Variants in OTOA observed in about 807,000 individuals in gnomAD.
The protein encoded by OTOA is otoancorin.
A neutral mutation model predicts 110.8 loss-of-function variants in OTOA; 70 were observed. The observed-to-expected ratio is 0.63, with a 90% confidence interval of 0.52 to 0.77. The LOEUF is 0.77. Ranked by LOEUF, OTOA falls within the 30% of genes least tolerant of loss-of-function variation. The pLI is 0.00. For missense variants in OTOA, 917 were observed against 1,075.8 expected, an observed-to-expected ratio of 0.85 and a Z score of 2.06; for synonymous variants, 373 against 431.5, an observed-to-expected ratio of 0.86 and a Z score of 1.68.
intron 21 of OTOA, among the ~76,000 whole-genome samples, chr16:21,731,412 C>T (rs1409145163): frequency 6.6e-6 from 1 of 152,220 alleles, no homozygotes; most frequent in Non-Finnish European, 1.5e-5. Context: ...GCAAAATAAG[C>T]ATGAATTAGT....
chr16:21,718,584 C>T (rs942018388), intron 15 of OTOA, among the ~76,000 whole-genome samples: 5 of 152,160 alleles, frequency 3.3e-5, no homozygotes, highest in East Asian at 1.9e-4. Context: ...TACTTGATTG[C>T]GTCTGCAAGT....
rs754607351 is a variant in OTOA, at chr16:21,678,576, C to G, written c.62C>G (p.Ser21Trp). 1 of 1,613,770 alleles carries G rather than the reference C, an allele frequency of 6.2e-7. No individual in the cohort carries two copies. Among genetic ancestry groups the G allele is most frequent in the African/African-American group, 1.3e-5 (1 of 74,830 alleles). The change falls in exon 2 of 29, where the codon TCG becomes TGG. Residue 21 changes from serine to tryptophan, a missense_variant. Ser to Trp is a radical substitution (Grantham distance 177, BLOSUM62 -3). Around this residue, in one of 6 missense-constraint regions of OTOA, gnomAD observed 840 missense variants for 910.2 expected, o/e 0.92. Coordinates refer to ENST00000646100, the MANE Select transcript of OTOA (RefSeq NM_144672.4). ...TTCCTTTTTCTGAGCCATGGAGTGT[C>G]GAGTTATACAGTGCCAAATTCCAGG... is the stretch of plus-strand genomic sequence containing the variant. ...FLFLFLSHGV[S>W]SYTVPNSRQD...
At chr16:21,674,390 A>C (rs1966853318) in intron 1 of OTOA, among the ~76,000 whole-genome samples, 1 of 151,884 alleles carries the variant, frequency 6.6e-6, no homozygotes, top group Non-Finnish European at 1.5e-5. Context: ...GGCTCACTGC[A>C]ACCTCTGCCT....
intron 12 of OTOA, among the ~76,000 whole-genome samples, chr16:21,709,664 A>G (rs1323951560): frequency 6.6e-6 from 1 of 152,128 alleles, no homozygotes; most frequent in Non-Finnish European, 1.5e-5. Context: ...TACAAAGGGA[A>G]TTTTTGGCAC....
chr16:21,735,370 C>T (rs575001502), intron 21 of OTOA, among the ~76,000 whole-genome samples: 12 of 151,748 alleles, frequency 7.9e-5, no homozygotes, highest in East Asian at 3.9e-4. Flanking sequence ...CTCGAGAGAA[C>T]GCACGCACTA....
chr16:21,669,792 G>T (rs373805296), intron 1 of OTOA, among the ~76,000 whole-genome samples: 5 of 152,158 alleles, frequency 3.3e-5, no homozygotes, highest in Admixed American at 2.0e-4. Flanking sequence ...CCACTCCAGG[G>T]TATTCTCAAC....
At position 21,726,576 on chromosome 16, in the gene OTOA, G is replaced by GC. The variant is rs1435990534; in HGVS notation, c.1936dup (p.Leu646ProfsTer33). ...TCCCAGTGTGTGCCCTTTCTGATCA[G>GC]CCTGGGGAAGAGCTGGTTGGACTCC... is the stretch of plus-strand genomic sequence containing the variant. On this transcript the variant is annotated frameshift_variant, in exon 19 of 29. Coordinates refer to ENST00000646100, the MANE Select transcript of OTOA (RefSeq NM_144672.4). LOFTEE classifies it high-confidence loss of function. 1 of 1,614,074 alleles carries GC rather than the reference G, an allele frequency of 6.2e-7. No individual in the cohort carries two copies.
chr16:21,715,970 C>T lies in OTOA; in HGVS notation c.1488+818C>T, dbSNP rs183409455. 2.8e-3 allele frequency among the ~76,000 whole-genome samples: 424 copies of T among 152,220 alleles called. 3 individuals carry two copies. The highest frequency in any genetic ancestry group is 9.7e-3 in the African/African-American group (401 of 41,542). On this transcript the variant is annotated intron_variant, in intron 14 of 28. Transcript: ENST00000646100. ...TATTACCCCAGCCAGCATGCAGTGG[C>T]GTGATCTTGGTTCACTGCAGCCTCC...
chr16:21,697,830 G>C lies in OTOA; in HGVS notation c.795G>C (p.Met265Ile). 1 of 1,614,032 alleles carries C rather than the reference G, an allele frequency of 6.2e-7. No individual in the cohort carries two copies. The highest frequency in any genetic ancestry group is 1.6e-4 in the Middle Eastern group (1 of 6,062). Residue 265 changes from methionine (M) to isoleucine (I), a missense_variant, in exon 10 of 29, where the codon ATG (methionine) becomes ATC (isoleucine). Met to Ile is a conservative substitution (Grantham distance 10). Coordinates refer to ENST00000646100, the MANE Select transcript of OTOA (RefSeq NM_144672.4). ...AEHLWVLGRY[M>I]VHLSFEEITK... is the part of the protein sequence containing the mutation. The stretch of plus-strand genomic sequence containing the variant: ...ACTTATGGGTTTTGGGCAGATACAT[G>C]GTTCACCTATCGTTTGAAGAAATTA...
intron 6 of OTOA, chr16:21,684,576 G>C (rs368987029): frequency 1.3e-6 from 2 of 1,530,964 alleles, no homozygotes; most frequent in Non-Finnish European, 1.8e-6. Flanking sequence ...TGGGGGAATC[G>C]GGCTGGCTGG....
chr16:21,677,468 TA>T (rs1299952999), intron 1 of OTOA, among the ~76,000 whole-genome samples: 1 of 151,470 alleles, frequency 6.6e-6, no homozygotes, highest in Non-Finnish European at 1.5e-5. Flanking sequence ...TTATGAAGTT[TA>T]GCTTCATATC....
chr16:21,695,196 T>C (rs1227637913), intron 9 of OTOA, among the ~76,000 whole-genome samples: 1 of 150,660 alleles, frequency 6.6e-6, no homozygotes, highest in African/African-American at 2.4e-5. Context: ...GGCCAGGAGT[T>C]CAAGGCCAGC....
In OTOA at chr16:21,709,903, C is replaced by T; in HGVS notation, c.1120C>T (p.Leu374=). 5.0e-6 allele frequency: 8 copies of T among 1,613,858 alleles called. No individual in the cohort carries two copies. The highest frequency in any genetic ancestry group is 6.8e-6 in the Non-Finnish European group (8 of 1,179,766). The change falls in exon 13 of 29, where the codon CTG becomes TTG. Residue 374 remains leucine, a synonymous_variant. Coordinates refer to ENST00000646100, the MANE Select transcript of OTOA (RefSeq NM_144672.4). ...CTCCTTCCAGCTCAAAGCAGAACTC[C>T]TGGACATTGCCATGGAGAACCAGAC... ...AGVQKLKAEL[L]DIAMENQTLN...
At chr16:21,682,116 A>C (rs755418871) in intron 6 of OTOA, among the ~76,000 whole-genome samples, 6 of 152,200 alleles carry the variant, frequency 3.9e-5, no homozygotes, top group Non-Finnish European at 7.3e-5. Context: ...TTTCTCGTAC[A>C]ATAGTCCAGA....
At chr16:21,675,151 TTC>T (rs1202603333) in intron 1 of OTOA, among the ~76,000 whole-genome samples, 2 of 147,776 alleles carry the variant, frequency 1.4e-5, no homozygotes, top group Non-Finnish European at 1.5e-5. Context: ...TTCTTTTTCT[TTC>T]TCTCTCTCTC....
intron 6 of OTOA, among the ~76,000 whole-genome samples, chr16:21,682,388 C>T (rs188905872): frequency 6.1e-4 from 93 of 152,318 alleles, no homozygotes; most frequent in Middle Eastern, 3.4e-3. Context: ...TCACATCTTA[C>T]TGCAAAGGAG....
intron 1 of OTOA, among the ~76,000 whole-genome samples, chr16:21,665,083 T>C (rs1160102089): frequency 2.0e-5 from 3 of 152,140 alleles, no homozygotes; most frequent in Non-Finnish European, 4.4e-5. Flanking sequence ...GAGGAGGAAA[T>C]GCAAGCCTAT....
intron 1 of OTOA, among the ~76,000 whole-genome samples, chr16:21,667,713 G>A (rs937134543): frequency 5.9e-5 from 9 of 152,094 alleles, no homozygotes; most frequent in Non-Finnish European, 1.5e-5. Context: ...TGTGGTCCCT[G>A]TCCCAAGTAC....
intron 21 of OTOA, among the ~76,000 whole-genome samples, chr16:21,733,753 C>A (rs376560775): frequency 6.6e-6 from 1 of 151,382 alleles, no homozygotes; most frequent in Non-Finnish European, 1.5e-5. Flanking sequence ...TTGAGACAAC[C>A]CTTCTTCACC....
Sources: gnomAD v4.1 joint callset for allele counts (sites outside exome capture counted in the v4.1 genomes callset) on GRCh38, gnomAD v4.1.1 for gene constraint, gnomAD v4.1.1 regional missense constraint, MANE v1.5 for transcripts, NCBI Gene and HGNC (gene_info 2026-07-23, HGNC 2026-07-21) for gene names.